The following HIVEP3 variants were observed in gnomAD, a reference collection of about 807,000 sequenced individuals.
The protein encoded by HIVEP3 is HIVEP zinc finger 3, also known as transcription factor HIVEP3.
Under a neutral mutation model 152.8 loss-of-function variants are expected in HIVEP3, and 49 were observed. That is an observed-to-expected ratio of 0.32 (90% CI 0.26 to 0.41). HIVEP3 has a LOEUF of 0.41. HIVEP3 is among the 10% of genes least tolerant of loss of function. The pLI is 1.00. For synonymous variants in HIVEP3, 1,269 were observed against 1,289.0 expected (o/e 0.98, Z 0.33); for missense variants, 2,790 against 3,103.3 (o/e 0.90, Z 2.40).
intron 1 of HIVEP3, among the ~76,000 whole-genome samples, chr1:41,841,432 G>A (rs1643285659): frequency 6.6e-6 from 1 of 152,188 alleles, no homozygotes; most frequent in Admixed American, 6.5e-5. Flanking sequence ...AGCCTCCGGA[G>A]CCGAATGCTC....
intron 1 of HIVEP3, among the ~76,000 whole-genome samples, chr1:41,989,808 ATG>A (rs1348256816): frequency 1.3e-5 from 2 of 150,102 alleles, no homozygotes; most frequent in African/African-American, 4.9e-5. Flanking sequence ...TTTTGAGCCT[ATG>A]TGTGTCTCTG....
intron 1 of HIVEP3, among the ~76,000 whole-genome samples, chr1:41,762,175 T>C (rs543583370): frequency 5.3e-5 from 8 of 152,280 alleles, no homozygotes; most frequent in Non-Finnish European, 7.4e-5. Context: ...CCCAGCCACA[T>C]TGAGGGAGAG....
chr1:42,033,998 T>C (rs1473525438), intron 1 of HIVEP3, among the ~76,000 whole-genome samples: 6 of 152,226 alleles, frequency 3.9e-5, no homozygotes, highest in South Asian at 2.1e-4. Flanking sequence ...CAAAACAGTA[T>C]ATATGTTAAT....
intron 1 of HIVEP3, among the ~76,000 whole-genome samples, chr1:41,896,457 G>A (rs1342077779): frequency 1.3e-5 from 2 of 152,180 alleles, no homozygotes; most frequent in African/African-American, 4.8e-5. Flanking sequence ...CCGGCCCACT[G>A]CTTTTCTGAC....
At chr1:41,909,983 G>A (rs17258564) in intron 1 of HIVEP3, among the ~76,000 whole-genome samples, 1,917 of 151,822 alleles carry the variant, frequency 0.013, 46 homozygotes, top group African/African-American at 0.044. Flanking sequence ...TGCTCATAAT[G>A]GGGAAAAAAG....
chr1:41,960,347 A>C (rs1441919856), intron 1 of HIVEP3, among the ~76,000 whole-genome samples: 1 of 152,194 alleles, frequency 6.6e-6, no homozygotes, highest in African/African-American at 2.4e-5. Flanking sequence ...TAAGCTTACA[A>C]TGAGAAACAA....
intron 2 of HIVEP3, among the ~76,000 whole-genome samples, chr1:41,688,452 C>T (rs1345985363): frequency 6.6e-6 from 1 of 152,194 alleles, no homozygotes; most frequent in Non-Finnish European, 1.5e-5. Flanking sequence ...CACATCGGTC[C>T]CTCCCCAGCC....
intron 1 of HIVEP3, among the ~76,000 whole-genome samples, chr1:41,916,428 C>T (rs79169714): frequency 2.2e-3 from 333 of 152,288 alleles, no homozygotes; most frequent in Non-Finnish European, 3.7e-3. Context: ...CAGGCTGAGG[C>T]GCTCAGGGGT....
At chr1:41,641,604 A>G (rs1160510089) in intron 2 of HIVEP3, among the ~76,000 whole-genome samples, 1 of 152,168 alleles carries the variant, frequency 6.6e-6, no homozygotes. Context: ...TTTTCCATAG[A>G]AAGTTTCCAT....
chr1:41,882,364 T>C (rs1485584687), intron 1 of HIVEP3, among the ~76,000 whole-genome samples: 1 of 152,314 alleles, frequency 6.6e-6, no homozygotes, highest in East Asian at 1.9e-4. Flanking sequence ...GATGGCAGCC[T>C]ACAACTGAGC....
At chr1:41,606,147 A>T (rs552043362) in intron 3 of HIVEP3, among the ~76,000 whole-genome samples, 1 of 150,564 alleles carries the variant, frequency 6.6e-6, no homozygotes, top group East Asian at 1.9e-4. Flanking sequence ...TTCGCATTCA[A>T]CCTCTCTCTC....
chr1:41,575,762 A>T, intron 4 of HIVEP3, 73 bp from the exon 5 acceptor site: 1 of 1,518,078 alleles, frequency 6.6e-7, no homozygotes, highest in East Asian at 2.3e-5. Context: ...CAATGCTAAT[A>T]ATCATGCCTT....
chr1:41,513,579 G>T lies in HIVEP3; in HGVS notation c.5642C>A (p.Ala1881Glu). 1 of 1,613,128 alleles carries T rather than the reference G, an allele frequency of 6.2e-7. No homozygotes were observed. The stretch of plus-strand genomic sequence containing the variant: ...TGCATGTGGTGGGCCAGGCGGGGGC[G>T]CCTCTGAGGATGGTCTGGACAGCTC... Reference protein sequence around the residue: ...QDELSRPSSEAPPPGPPHALR... With the variant: ...QDELSRPSSEEPPPGPPHALR... The change falls in exon 8 of 9, where the codon GCG (alanine) becomes GAG (glutamate). Residue 1881 changes from alanine (A) to glutamate (E), a missense_variant. Physicochemically the swap from Ala to Glu is moderately radical, Grantham distance 107. This residue lies in a region of HIVEP3 where 816 missense variants were observed against 806.5 expected (regional missense o/e 1.01). Coordinates refer to ENST00000372583, the MANE Select transcript of HIVEP3 (RefSeq NM_024503.5).
intron 1 of HIVEP3, among the ~76,000 whole-genome samples, chr1:41,994,371 A>T (rs1366339955): frequency 6.6e-6 from 1 of 152,056 alleles, no homozygotes; most frequent in East Asian, 1.9e-4. Context: ...GGAATTATGA[A>T]ATTGATGCGA....
rs547480342 is a variant in HIVEP3, at chr1:41,541,904, T to C, written c.5208-16994A>G. On this transcript the variant is annotated intron_variant, in intron 5 of 8. Transcript: ENST00000372583. ...CTTATGACTTGGATTGTTTTTTGTA[T>C]GTATGATCTGTTTCAATTAGAAAAT... 1.9e-3 allele frequency among the ~76,000 whole-genome samples: 289 copies of C among 152,374 alleles called. 1 individual carries two copies. Among genetic ancestry groups the C allele is most frequent in the African/African-American group, 6.8e-3 (281 of 41,588 alleles).
At chr1:41,850,298 C>A (rs1643560532) in intron 1 of HIVEP3, among the ~76,000 whole-genome samples, 1 of 151,698 alleles carries the variant, frequency 6.6e-6, no homozygotes, top group Non-Finnish European at 1.5e-5. Context: ...TAACCTCATC[C>A]AAAGCAGAGG....
intron 5 of HIVEP3, among the ~76,000 whole-genome samples, chr1:41,528,464 C>CTCACA (rs1643094420): frequency 8.0e-6 from 1 of 125,490 alleles, no homozygotes; most frequent in African/African-American, 3.1e-5. Flanking sequence ...CACACCCCAC[C>CTCACA]CTCACCTTCA....
intron 1 of HIVEP3, among the ~76,000 whole-genome samples, chr1:41,894,599 G>A (rs1325502): frequency 0.31 from 47,744 of 152,030 alleles, 11,377 homozygotes; most frequent in African/African-American, 0.67. Flanking sequence ...TTCCACTCCC[G>A]AAACATGCAG....
intron 1 of HIVEP3, among the ~76,000 whole-genome samples, chr1:42,029,704 C>T (rs924482202): frequency 2.0e-5 from 3 of 152,128 alleles, no homozygotes; most frequent in African/African-American, 7.2e-5. Context: ...GAACCTAGTC[C>T]AGAATGTCTA....
Sources: gnomAD v4.1 joint callset for allele counts (sites outside exome capture counted in the v4.1 genomes callset) on GRCh38, gnomAD v4.1.1 for gene constraint, gnomAD v4.1.1 regional missense constraint, MANE v1.5 for transcripts, NCBI Gene and HGNC (gene_info 2026-07-23, HGNC 2026-07-21) for gene names.